The following HESX1 variants were observed in gnomAD, a reference collection of about 807,000 sequenced individuals.
HESX1 encodes the protein HESX homeobox 1.
In HESX1, 11 loss-of-function variants were observed where a neutral mutation model predicts 22.5. The ratio of observed to expected loss-of-function variants is 0.49; its 90% CI spans 0.31 to 0.81. The LOEUF (loss-of-function observed/expected upper bound fraction) is 0.81, where lower values mean the gene tolerates loss of function less well. Among genes scored for constraint, HESX1 ranks in the 30% least tolerant of loss-of-function variants. HESX1 has a pLI of 0.05. For missense variants in HESX1, 201 were observed against 212.6 expected, an observed-to-expected ratio of 0.95 and a Z score of 0.34; for synonymous variants, 74 against 76.5, an observed-to-expected ratio of 0.97 and a Z score of 0.17.
chr3:57,198,930 T>TTC lies in HESX1; in HGVS notation c.179_180insGA (p.His61AsnfsTer40), dbSNP rs1194967371. The stretch of plus-strand genomic sequence containing the variant: ...TCCCACTGGGAGGATTTGGGACATG[T>TTC]AGACATAAGTTACCATCTTTCCCTA... On this transcript the variant is annotated frameshift_variant, in exon 2 of 4. Transcript: ENST00000295934. LOFTEE classifies it high-confidence loss of function. The TTC allele has an allele frequency of 6.2e-7, 1 of 1,614,118 alleles. No homozygotes were observed.
intron 1 of HESX1, among the ~76,000 whole-genome samples, chr3:57,217,415 GCTT>G (rs2060588624): frequency 6.6e-6 from 1 of 151,948 alleles, no homozygotes; most frequent in African/African-American, 2.4e-5. Flanking sequence ...GAGAAACCTG[GCTT>G]CCATTATCTT....
At chr3:57,227,074 C>T (rs2060650939), upstream of HESX1, among the ~76,000 whole-genome samples, 1 of 152,158 alleles carries the variant, frequency 6.6e-6, no homozygotes, top group South Asian at 2.1e-4. Flanking sequence ...AAGATATTTT[C>T]CTTTGTGATT....
chr3:57,205,666 A>C (rs543857241), intron 1 of HESX1, among the ~76,000 whole-genome samples: 3 of 152,008 alleles, frequency 2.0e-5, no homozygotes, highest in South Asian at 2.1e-4. Context: ...TTACCCATTT[A>C]TCTCTTTCAA....
rs2060461578 is a variant in HESX1, at chr3:57,198,418, T to C, written c.432A>G (p.Lys144=). The change falls in exon 3 of 4, where the codon AAA becomes AAG. Residue 144 remains lysine, a synonymous_variant. Coordinates refer to ENST00000295934, the MANE Select transcript of HESX1 (RefSeq NM_003865.3). ...GGATTCTGTCTTCCTCTAGATTCAA[T>C]TTTTGAGCTAAGTCTTCTCTAATAT... ...GIDIREDLAQ[K]LNLEEDRIQI... is the part of the protein sequence containing the mutation. 1.2e-6 allele frequency: 2 copies of C among 1,606,352 alleles called. No individual in the cohort carries two copies. Among genetic ancestry groups the C allele is most frequent in the South Asian group, 2.2e-5 (2 of 90,896 alleles).
At chr3:57,201,875 A>ATCTATCTATCTATC (rs796249286), upstream of HESX1, among the ~76,000 whole-genome samples, 5 of 131,928 alleles carry the variant, frequency 3.8e-5, no homozygotes, top group South Asian at 2.7e-4. Context: ...CTATCTATCT[A>ATCTATCTATCTATC]TATCTATCTA....
Position 57,224,095 on chromosome 3 carries a change from C to T in HESX1, c.-111+2201G>A, listed in dbSNP as rs780504600. ...GCAACCTCCGCCTCCCAAGTTCAAG[C>T]GATTCTCCTGCCTCAGCCTCCCGAG... On this transcript the variant is annotated intron_variant, in intron 1 of 2. Coordinates refer to the HESX1 transcript ENST00000495160. Among the ~76,000 whole-genome samples the T allele has an allele frequency of 2.5e-4, 38 of 152,174 alleles. 1 individual carries two copies. The highest frequency in any genetic ancestry group is 1.4e-3 in the South Asian group (7 of 4,830).
intron 1 of HESX1, among the ~76,000 whole-genome samples, chr3:57,216,330 T>G (rs1284090178): frequency 6.6e-6 from 1 of 152,172 alleles, no homozygotes; most frequent in Admixed American, 6.5e-5. Context: ...TTATCTGGGC[T>G]GGGCACATTG....
chr3:57,198,888 C>T lies in HESX1; in HGVS notation c.222G>A (p.Val74=). The part of the protein sequence containing the change: ...NPPSGISFPS[V]VDHPMPEERA... The stretch of plus-strand genomic sequence containing the variant: ...TTTCTTCTGGCATTGGGTGATCCAC[C>T]ACGCTAGGGAATGAAATCCCACTGG... The change falls in exon 2 of 4, where the codon GTG becomes GTA. Residue 74 remains valine, a synonymous_variant. Transcript: ENST00000295934. The T allele has an allele frequency of 6.2e-7, 1 of 1,614,072 alleles. No homozygotes were observed.
intron 1 of HESX1, 114 bp from the exon 2 acceptor site, chr3:57,199,066 A>G (rs2060466995): frequency 1.0e-6 from 1 of 997,116 alleles, no homozygotes; most frequent in Non-Finnish European, 1.6e-6. Flanking sequence ...TCTGGGGTTC[A>G]CAAGAGAATT....
rs920131831 is a variant in HESX1, at chr3:57,198,041, A to T, written c.*156T>A. 3.3e-6 allele frequency: 2 copies of T among 611,836 alleles called. No individual in the cohort carries two copies. Among genetic ancestry groups the T allele is most frequent in the Admixed American group, 2.9e-5 (1 of 34,450 alleles). The allele number at this position is 611,836 out of a possible 1,614,324, so 37.9% of individuals were successfully genotyped here. ...TATAACTAAAAGTGCCCAAATATGT[A>T]CCATGCTATAATAGTATTTACAATA... On this transcript the variant is annotated 3_prime_UTR_variant, in exon 4 of 4. Transcript: ENST00000295934.
chr3:57,199,715 C>T, intron 1 of HESX1, 47 bp downstream of exon 1: 18 of 1,583,494 alleles, frequency 1.1e-5, no homozygotes, highest in Non-Finnish European at 1.5e-5. Flanking sequence ...AAATTAAACA[C>T]TGTAAATGAA....
intron 1 of HESX1, among the ~76,000 whole-genome samples, chr3:57,224,230 C>T (rs908119970): frequency 6.6e-6 from 1 of 152,102 alleles, no homozygotes; most frequent in Non-Finnish European, 1.5e-5. Context: ...GTGATCCACC[C>T]GCCTCGGCCT....
chr3:57,207,970 T>C (rs993774288), intron 1 of HESX1, among the ~76,000 whole-genome samples: 3 of 152,220 alleles, frequency 2.0e-5, no homozygotes, highest in Non-Finnish European at 4.4e-5. Context: ...TCAAGTAAGG[T>C]TGGGCATTAA....
chr3:57,215,497 G>A (rs942450674), intron 1 of HESX1, among the ~76,000 whole-genome samples: 2 of 152,086 alleles, frequency 1.3e-5, no homozygotes, highest in African/African-American at 4.8e-5. Flanking sequence ...GGCCAGGCAC[G>A]GTGGCTCACA....
At chr3:57,210,263 G>A (rs2060546222) in intron 1 of HESX1, among the ~76,000 whole-genome samples, 1 of 152,164 alleles carries the variant, frequency 6.6e-6, no homozygotes, top group African/African-American at 2.4e-5. Flanking sequence ...CATACAAGAT[G>A]AAGTAAAAAC....
At chr3:57,226,847 TAC>T (rs1432483037), upstream of HESX1, among the ~76,000 whole-genome samples, 1 of 152,156 alleles carries the variant, frequency 6.6e-6, no homozygotes, top group Non-Finnish European at 1.5e-5. Flanking sequence ...CCTACAACTA[TAC>T]AGAGACATAA....
At chr3:57,200,071 T>C (rs1466958669), upstream of HESX1, 1 of 684,532 alleles carries the variant, frequency 1.5e-6, no homozygotes, top group African/African-American at 1.8e-5. Context: ...TCTTAGAAAG[T>C]TTTAGCATGT....
upstream of HESX1, among the ~76,000 whole-genome samples, chr3:57,204,155 G>A (rs955983403): frequency 1.3e-5 from 2 of 152,186 alleles, no homozygotes; most frequent in South Asian, 2.1e-4. Context: ...CATTGTTTAA[G>A]CCACTGAAGT....
rs112284094 is a variant in HESX1 at position 57,208,503 on chromosome 3, T to C, written c.-110-8475A>G. ...CAGGGATTACAGGCGTGTGCTACCATACCCGGATAATTTTTGTATTTTTTT... is the reference window on the plus strand; with the variant it reads ...CAGGGATTACAGGCGTGTGCTACCACACCCGGATAATTTTTGTATTTTTTT... On this transcript the variant is annotated intron_variant, in intron 1 of 2. Coordinates refer to the HESX1 transcript ENST00000495160. 1.3e-3 allele frequency among the ~76,000 whole-genome samples: 191 copies of C among 151,802 alleles called. 1 individual carries two copies. The highest frequency in any genetic ancestry group is 4.4e-3 in the African/African-American group (183 of 41,480).
Sources: allele counts gnomAD v4.1 joint callset (sites outside exome capture counted in the v4.1 genomes callset), GRCh38; gene constraint gnomAD v4.1.1; transcripts MANE v1.5; gene names NCBI Gene and HGNC (gene_info 2026-07-23, HGNC 2026-07-21).